Variants in CEP70 observed in about 807,000 individuals in gnomAD.
CEP70 encodes the protein centrosomal protein of 70 kDa.
CEP70 carries 70 observed loss-of-function variants against 90.9 expected under a neutral mutation model. The observed-to-expected ratio is 0.77, with a 90% CI of 0.64 to 0.94. CEP70 has a LOEUF of 0.94. Ranked by LOEUF, CEP70 falls within the 40% of genes least tolerant of loss-of-function variation. The pLI is 0.00. For missense variants in CEP70, 648 were observed against 669.0 expected, an observed-to-expected ratio of 0.97 and a Z score of 0.35; for synonymous variants, 220 against 228.3, an observed-to-expected ratio of 0.96 and a Z score of 0.33.
At chr3:138,534,056 T>C (rs1484484409) in intron 7 of CEP70, among the ~76,000 whole-genome samples, 2 of 152,250 alleles carry the variant, frequency 1.3e-5, no homozygotes, top group Admixed American at 1.3e-4. Flanking sequence ...AGTGCTGGGA[T>C]TACAGGCGTA....
At chr3:138,529,159 T>C (rs1269258339) in intron 10 of CEP70, 40 bp downstream of exon 10, 4 of 1,269,322 alleles carry the variant, frequency 3.2e-6, no homozygotes, top group Non-Finnish European at 4.5e-6. Context: ...AGTGAGACCC[T>C]GTCTCAGGAA....
chr3:138,580,396 A>G, intron 2 of CEP70, among the ~76,000 whole-genome samples: 1 of 152,142 alleles, frequency 6.6e-6, no homozygotes, highest in East Asian at 1.9e-4. Context: ...ATTATTCCAG[A>G]TCTTGTCCAA....
intron 6 of CEP70, among the ~76,000 whole-genome samples, chr3:138,544,233 A>G (rs35034861): frequency 0.072 from 10,938 of 152,122 alleles, 794 homozygotes; most frequent in East Asian, 0.38. Context: ...CTAAAAAAAA[A>G]GCAAAAAATT....
chr3:138,495,466 C>A (rs12638791), intron 17 of CEP70, among the ~76,000 whole-genome samples: 1 of 152,296 alleles, frequency 6.6e-6, no homozygotes, highest in East Asian at 1.9e-4. Context: ...TAGGTCTCCA[C>A]GTGAGGACTT....
In CEP70 at chr3:138,508,444, A is replaced by C. The variant is rs1184095727; in HGVS notation, c.1045T>G (p.Phe349Val). ...ATGAAAAATCAATTCAATACCTGAA[A>C]GTATCTCTGGTCAATTAGGGCCTGT... The part of the protein sequence containing the change: ...QQQALIDQRY[F>V]QVLCSINSII... The change falls in exon 12 of 18, where the codon TTT (phenylalanine) becomes GTT (valine). Residue 349 changes from phenylalanine to valine, a missense_variant. Transcript: ENST00000264982. 6.3e-7 allele frequency: 1 copy of C among 1,592,308 alleles called. No individual in the cohort carries two copies. Among genetic ancestry groups the C allele is most frequent in the African/African-American group, 1.3e-5 (1 of 74,452 alleles).
At chr3:138,587,005 TA>T (rs1263239929) in intron 2 of CEP70, among the ~76,000 whole-genome samples, 1 of 151,894 alleles carries the variant, frequency 6.6e-6, no homozygotes, top group African/African-American at 2.4e-5. Flanking sequence ...AAGTTCATAT[TA>T]AAAAAAATCT....
rs1479107559 is a variant in CEP70, at chr3:138,503,355, CCTTTT to C, written c.1221+1935_1221+1939del. 3.3e-5 allele frequency among the ~76,000 whole-genome samples: 5 copies of C among 152,158 alleles called. No individual in the cohort carries two copies. The East Asian group carries it at 9.6e-4, about 29-fold the overall frequency. On this transcript the variant is annotated intron_variant, in intron 13 of 17. Transcript: ENST00000264982. ...ATGTTGCAAGGGTCAGAATTTCTTT[CCTTTT>C]AATGGCTGAATAATATTGCAATATA...
chr3:138,579,027 C>G (rs909304474), intron 2 of CEP70, among the ~76,000 whole-genome samples: 1 of 152,166 alleles, frequency 6.6e-6, no homozygotes, highest in African/African-American at 2.4e-5. Context: ...CCCAATCCCC[C>G]GGTAACGGCC....
intron 6 of CEP70, among the ~76,000 whole-genome samples, chr3:138,543,873 T>C (rs1224422295): frequency 6.6e-6 from 1 of 152,160 alleles, no homozygotes; most frequent in Non-Finnish European, 1.5e-5. Flanking sequence ...AAGGTATAGA[T>C]AATGTAAAAA....
chr3:138,541,227 A>G (rs1226400880), intron 6 of CEP70, among the ~76,000 whole-genome samples: 1 of 152,190 alleles, frequency 6.6e-6, no homozygotes, highest in East Asian at 1.9e-4. Flanking sequence ...CCCAAATCTA[A>G]AAGTTTAATA....
chr3:138,512,644 T>C (rs569096332), intron 11 of CEP70, among the ~76,000 whole-genome samples: 193 of 152,292 alleles, frequency 1.3e-3, no homozygotes, highest in African/African-American at 3.9e-3. Flanking sequence ...CTATGTTTTT[T>C]TGTGGACACT....
chr3:138,508,803 G>A (rs1187695820), intron 11 of CEP70, among the ~76,000 whole-genome samples: 2 of 150,954 alleles, frequency 1.3e-5, no homozygotes, highest in Non-Finnish European at 2.9e-5. Flanking sequence ...GCGCAATCTC[G>A]GCTCACTGCA....
At chr3:138,510,727 G>C (rs1349800133) in intron 11 of CEP70, among the ~76,000 whole-genome samples, 1 of 152,086 alleles carries the variant, frequency 6.6e-6, no homozygotes, top group African/African-American at 2.4e-5. Context: ...GTCCCCCCTT[G>C]TCAGTGGGGG....
chr3:138,525,657 TG>T, intron 10 of CEP70, 93 bp from the exon 11 acceptor site: 1 of 499,334 alleles, frequency 2.0e-6, no homozygotes, highest in Admixed American at 3.4e-5. Context: ...CTTTGTTACT[TG>T]TCACAAATAT....
At chr3:138,570,590 A>C in intron 5 of CEP70, 92 bp from the exon 6 acceptor site, 2 of 973,888 alleles carry the variant, frequency 2.1e-6, no homozygotes, top group South Asian at 3.2e-5. Context: ...GCCTTTCTAA[A>C]GTTTCTTTGC....
intron 6 of CEP70, among the ~76,000 whole-genome samples, chr3:138,555,305 G>T (rs1487993161): frequency 1.4e-5 from 2 of 148,068 alleles, no homozygotes; most frequent in Non-Finnish European, 3.0e-5. Context: ...TTAAATCTAA[G>T]ACCTAAACCA....
At chr3:138,503,111 A>G (rs971281388) in intron 13 of CEP70, among the ~76,000 whole-genome samples, 2 of 152,186 alleles carry the variant, frequency 1.3e-5, no homozygotes, top group Non-Finnish European at 2.9e-5. Flanking sequence ...TGTGCAACCA[A>G]CATCACCATC....
chr3:138,503,623 C>T (rs1352880053), intron 13 of CEP70, among the ~76,000 whole-genome samples: 2 of 152,134 alleles, frequency 1.3e-5, no homozygotes, highest in Non-Finnish European at 2.9e-5. Flanking sequence ...ATGAGTTACT[C>T]CAATGGCAGA....
chr3:138,591,757 G>A lies in CEP70; in HGVS notation c.-6+97C>T, dbSNP rs80327557. ...GATAGGATTATCAGGAAGTCAAAAG[G>A]AAATATATGTAATGAACCTAGTATA... On this transcript the variant is annotated intron_variant, in intron 2 of 17. Coordinates refer to ENST00000264982, the MANE Select transcript of CEP70 (RefSeq NM_024491.4). 2,119 of 1,008,584 alleles carry A rather than the reference G, an allele frequency of 2.1e-3. 6 individuals are homozygous for A. The highest frequency in any genetic ancestry group is 2.7e-3 in the Non-Finnish European group (1,834 of 676,560). The allele number at this position is 1,008,584 out of a possible 1,614,324, so 62.5% of individuals were successfully genotyped here.
Sources: gnomAD v4.1 joint callset for allele counts (sites outside exome capture counted in the v4.1 genomes callset) on GRCh38, gnomAD v4.1.1 for gene constraint, MANE v1.5 for transcripts, NCBI Gene and HGNC (gene_info 2026-07-23, HGNC 2026-07-21) for gene names.